Variants in CBX1 observed in about 807,000 individuals in gnomAD.
The protein encoded by CBX1 is chromobox protein homolog 1.
A neutral mutation model predicts 25.1 loss-of-function variants in CBX1; 10 were observed. The ratio of observed to expected loss-of-function variants is 0.40; its 90% confidence interval spans 0.25 to 0.68. The LOEUF (loss-of-function observed/expected upper bound fraction) is 0.68, where lower values mean the gene tolerates loss of function less well. CBX1 is among the 30% of genes least tolerant of loss of function. CBX1 has a pLI of 0.40. For missense variants in CBX1, 106 were observed against 218.5 expected (o/e 0.49, Z 3.25); for synonymous variants, 63 against 79.4 (o/e 0.79, Z 1.10).
At chr17:48,072,271 A>G (rs2037631657) in intron 4 of CBX1, among the ~76,000 whole-genome samples, 1 of 152,030 alleles carries the variant, frequency 6.6e-6, no homozygotes, top group Non-Finnish European at 1.5e-5. Flanking sequence ...TCAGCCTCCC[A>G]AAGTGTTGGG....
At chr17:48,091,870 G>A (rs1408830647) in intron 1 of CBX1, among the ~76,000 whole-genome samples, 1 of 151,340 alleles carries the variant, frequency 6.6e-6, no homozygotes, top group East Asian at 1.9e-4. Flanking sequence ...GTAGAGAGGG[G>A]GTTTCACCAT....
At chr17:48,079,025 G>A (rs1434511636) in intron 1 of CBX1, among the ~76,000 whole-genome samples, 4 of 150,370 alleles carry the variant, frequency 2.7e-5, no homozygotes, top group Non-Finnish European at 5.9e-5. Flanking sequence ...TCTCAAACTC[G>A]TGACTTCGTG....
intron 1 of CBX1, among the ~76,000 whole-genome samples, chr17:48,085,969 T>C (rs1271629514): frequency 6.6e-6 from 1 of 152,008 alleles, no homozygotes; most frequent in Non-Finnish European, 1.5e-5. Flanking sequence ...ACTCGAGAGA[T>C]TAAGGCATGA....
At chr17:48,093,115 AATT>A (rs1176921731) in intron 1 of CBX1, among the ~76,000 whole-genome samples, 1 of 149,638 alleles carries the variant, frequency 6.7e-6, no homozygotes, top group Non-Finnish European at 1.5e-5. Flanking sequence ...GAAAGAAACA[AATT>A]AGTTGGGCAT....
At chr17:48,072,968 A>T (rs1377406273) in intron 4 of CBX1, among the ~76,000 whole-genome samples, 1 of 151,950 alleles carries the variant, frequency 6.6e-6, no homozygotes. Flanking sequence ...CTAAAAATAC[A>T]AAAATTAGCC....
At chr17:48,091,314 C>T (rs2063342511) in intron 1 of CBX1, among the ~76,000 whole-genome samples, 1 of 151,990 alleles carries the variant, frequency 6.6e-6, no homozygotes, top group African/African-American at 2.4e-5. Flanking sequence ...CCTCTTTTAA[C>T]CCGTTTAGGT....
chr17:48,075,141 G>T (rs774845193), intron 3 of CBX1, 41 bp from the exon 4 acceptor site: 6 of 1,278,072 alleles, frequency 4.7e-6, no homozygotes, highest in African/African-American at 4.4e-5. Flanking sequence ...ATCTATATGG[G>T]ACTATTATCC....
chr17:48,094,037 C>A (rs1053161750), intron 1 of CBX1, among the ~76,000 whole-genome samples: 1 of 139,366 alleles, frequency 7.2e-6, no homozygotes, highest in Non-Finnish European at 1.5e-5. Context: ...TCGCTTCAAC[C>A]TGGGAGGCGG....
intron 1 of CBX1, chr17:48,100,400 C>A (rs887732619): frequency 6.6e-6 from 1 of 152,098 alleles, no homozygotes; most frequent in African/African-American, 2.4e-5. Context: ...CACACAAAAA[C>A]GTACGGAACT....
At chr17:48,084,339 G>A (rs2037767720) in intron 1 of CBX1, among the ~76,000 whole-genome samples, 1 of 146,320 alleles carries the variant, frequency 6.8e-6, no homozygotes, top group Non-Finnish European at 1.5e-5. Flanking sequence ...TCAGCCTCCT[G>A]AGTAGCTGGG....
chr17:48,070,131 A>G lies in CBX1; in HGVS notation c.*1304T>C, dbSNP rs1056160787. On this transcript the variant is annotated 3_prime_UTR_variant, in exon 5 of 5. Transcript: ENST00000225603. Reference sequence around the variant, plus strand: ...AAGTTTACATTTAAACAAAGTTTACACAGAAATCTAACACATGCCTAAAAG... The same window carrying G: ...AAGTTTACATTTAAACAAAGTTTACGCAGAAATCTAACACATGCCTAAAAG... The G allele has an allele frequency of 6.5e-6, 1 of 152,712 alleles. No individual in the cohort carries two copies. Among genetic ancestry groups the G allele is most frequent in the Non-Finnish European group, 1.5e-5 (1 of 68,050 alleles). 9.5% of individuals were successfully genotyped at this position (152,712 alleles called of 1,614,324 possible). A position where few individuals can be genotyped will look rare whatever the true frequency, so the allele number is the denominator to read the frequency against.
intron 1 of CBX1, 89 bp from the exon 2 acceptor site, chr17:48,077,130 C>T (rs2037681978): frequency 4.9e-6 from 5 of 1,019,984 alleles, no homozygotes; most frequent in Admixed American, 2.5e-5. Context: ...AGGGACATGA[C>T]AGGTGATAAT....
rs2037661730 is a variant in CBX1 at position 48,075,076 on chromosome 17, G to A, written c.343C>T (p.Arg115Ter). 6.2e-7 allele frequency: 1 copy of A among 1,613,916 alleles called. No individual in the cohort carries two copies. The highest frequency in any genetic ancestry group is 8.5e-7 in the Non-Finnish European group (1 of 1,179,830). Residue 115 changes from arginine (R) to a stop codon, truncating the protein, a stop_gained, in exon 4 of 5, where the codon CGA (arginine) becomes TGA (stop). Coordinates refer to ENST00000225603, the MANE Select transcript of CBX1 (RefSeq NM_001127228.2). LOFTEE classifies it high-confidence loss of function. ...ATAATCCGCTCCGGCTCCAAACCTC[G>A]AGCAAAGCCTCGTGGCTTTTCTGAC... ...EESEKPRGFA[R>*]GLEPERIIGA...
chr17:48,086,781 C>T lies in CBX1; in HGVS notation c.-37-9740G>A, dbSNP rs868035998. The stretch of plus-strand genomic sequence containing the variant: ...CTGAGGCAGGAGAATCACTTGACTT[C>T]AACCCAGAAGGCGGAGGCTGCCTTG... On this transcript the variant is annotated intron_variant, in intron 1 of 4. Coordinates refer to ENST00000225603, the MANE Select transcript of CBX1 (RefSeq NM_001127228.2). Among the ~76,000 whole-genome samples, 7 of 151,704 alleles carry T rather than the reference C, an allele frequency of 4.6e-5. No homozygotes were observed. The South Asian group carries it at 1.3e-3, about 27-fold the overall frequency.
chr17:48,082,766 G>A (rs951279517), intron 1 of CBX1, among the ~76,000 whole-genome samples: 3 of 149,792 alleles, frequency 2.0e-5, no homozygotes, highest in Admixed American at 2.0e-4. Flanking sequence ...TCAAACGCTT[G>A]ACCTCAAGTA....
intron 1 of CBX1, chr17:48,100,609 C>G (rs2063403530): frequency 9.0e-6 from 5 of 553,630 alleles, no homozygotes; most frequent in Admixed American, 1.3e-4. Flanking sequence ...TCTTACATAC[C>G]TTATAGAAAT....
chr17:48,089,430 G>A (rs140894508), intron 1 of CBX1, among the ~76,000 whole-genome samples: 8 of 128,418 alleles, frequency 6.2e-5, no homozygotes, highest in Non-Finnish European at 1.2e-4. Flanking sequence ...AGCTCCACAG[G>A]TGATTTTGAT....
chr17:48,080,579 A>C (rs529593707), intron 1 of CBX1, among the ~76,000 whole-genome samples: 23 of 151,926 alleles, frequency 1.5e-4, no homozygotes, highest in Middle Eastern at 3.4e-3. Flanking sequence ...GTAATCATTA[A>C]GTTTTCTAAA....
rs2037615483 is a variant in CBX1, at chr17:48,070,526, CCTCTT to C, written c.*904_*908del. 1 of 152,650 alleles carries C rather than the reference CCTCTT, an allele frequency of 6.6e-6. No individual in the cohort carries two copies. Among genetic ancestry groups the C allele is most frequent in the South Asian group, 2.1e-4 (1 of 4,830 alleles). 9.5% of individuals were successfully genotyped at this position (152,650 alleles called of 1,614,324 possible). ...GTCTTACCTCCTCTACCACCCTCTT[CCTCTT>C]CCTAACACCTCAGCCAGTGGCTTGG... On this transcript the variant is annotated 3_prime_UTR_variant, in exon 5 of 5. Transcript: ENST00000225603.
Sources: gnomAD v4.1 joint callset for allele counts (sites outside exome capture counted in the v4.1 genomes callset) on GRCh38, gnomAD v4.1.1 for gene constraint, MANE v1.5 for transcripts, NCBI Gene and HGNC (gene_info 2026-07-23, HGNC 2026-07-21) for gene names.